Variants in RNU2-2 observed in about 807,000 individuals in gnomAD.
RNU2-2 encodes the protein RNA, U2 small nuclear 2, pseudogene.
chr11:62,841,692 C>G, the RNU2-2 span: 1 of 152,164 alleles, frequency 6.6e-6, no homozygotes, highest in East Asian at 1.9e-4. Context: ...GCTCCTATTC[C>G]ATCTCCTATT....
chr11:62,841,701 T>G, the RNU2-2 span: 1 of 152,222 alleles, frequency 6.6e-6, no homozygotes, highest in African/African-American at 2.4e-5. Flanking sequence ...CCATCTCCTA[T>G]TTCCAAAAAT....
the RNU2-2 span, chr11:62,841,782 G>C: frequency 5.9e-5 from 9 of 152,116 alleles, no homozygotes; most frequent in Non-Finnish European, 7.4e-5. Flanking sequence ...TACTACACTT[G>C]ATCTTAGCCA....
At chr11:62,841,678 G>T in the RNU2-2 span, 1 of 152,050 alleles carries the variant, frequency 6.6e-6, no homozygotes, top group Non-Finnish European at 1.5e-5. Flanking sequence ...AGTGGACGGA[G>T]CAAGCTCCTA....
At chr11:62,841,635 C>A in the RNU2-2 span, 2 of 152,234 alleles carry the variant, frequency 1.3e-5, no homozygotes, top group South Asian at 2.1e-4. Flanking sequence ...TGCACCGTTC[C>A]TGGAAGTACT....
chr11:62,841,691 C>A, the RNU2-2 span: 1 of 152,178 alleles, frequency 6.6e-6, no homozygotes, highest in Admixed American at 6.5e-5. Flanking sequence ...AGCTCCTATT[C>A]CATCTCCTAT....
At chr11:62,841,651 A>G in the RNU2-2 span, 4 of 152,224 alleles carry the variant, frequency 2.6e-5, no homozygotes, top group Admixed American at 6.5e-5. Context: ...GTACTGCAAT[A>G]CCAGGTCGAT....
At chr11:62,841,789 G>A in the RNU2-2 span, 3 of 152,212 alleles carry the variant, frequency 2.0e-5, no homozygotes, top group Admixed American at 6.5e-5. Context: ...CTTGATCTTA[G>A]CCAAAAGGCC....
At chr11:62,841,748 AG>A in the RNU2-2 span, 1 of 152,218 alleles carries the variant, frequency 6.6e-6, no homozygotes, top group Non-Finnish European at 1.5e-5. Context: ...AGGACGTATC[AG>A]ATATTAAACT....
chr11:62,841,766 A>C, the RNU2-2 span: 1 of 152,250 alleles, frequency 6.6e-6, no homozygotes. Flanking sequence ...AACTGATAAG[A>C]ACAGATACTA....
chr11:62,841,688 A>C, the RNU2-2 span: 4 of 145,152 alleles, frequency 2.8e-5, no homozygotes, highest in Admixed American at 6.9e-5. Context: ...GCAAGCTCCT[A>C]TTCCATCTCC....
the RNU2-2 span, chr11:62,841,700 A>T: frequency 3.3e-5 from 5 of 152,318 alleles, no homozygotes; most frequent in East Asian, 5.8e-4. Flanking sequence ...TCCATCTCCT[A>T]TTTCCAAAAA....
chr11:62,841,734 A>G, the RNU2-2 span: 2 of 152,160 alleles, frequency 1.3e-5, no homozygotes, highest in East Asian at 1.9e-4. Context: ...TTGTCCTCGG[A>G]TAGAGGACGT....
Sources: gnomAD v4.1 joint callset for allele counts on GRCh38, gnomAD v4.1.1 for gene constraint, MANE v1.5 for transcripts, NCBI Gene and HGNC (gene_info 2026-07-23, HGNC 2026-07-21) for gene names.